Variants in DOCK1 observed in about 807,000 individuals in gnomAD.
DOCK1 encodes dedicator of cytokinesis 1, also known as dedicator of cytokinesis protein 1.
Under a neutral mutation model 262.7 loss-of-function variants are expected in DOCK1, and 138 were observed. That is an observed-to-expected ratio of 0.53 (90% CI 0.46 to 0.61). The LOEUF is 0.61. DOCK1 is among the 20% of genes least tolerant of loss of function. The pLI is 0.00. For synonymous variants in DOCK1, 866 were observed against 867.4 expected, an observed-to-expected ratio of 1.00 and a Z score of 0.03; for missense variants, 1,908 against 2,370.7, an observed-to-expected ratio of 0.80 and a Z score of 4.05.
At chr10:127,422,347 G>C (rs1590990851) in intron 46 of DOCK1, among the ~76,000 whole-genome samples, 1 of 150,946 alleles carries the variant, frequency 6.6e-6, no homozygotes, top group African/African-American at 2.4e-5. Context: ...TTGTATTTTT[G>C]GTAGAGATGG....
chr10:127,147,494 T>G (rs2052000012), intron 27 of DOCK1, among the ~76,000 whole-genome samples: 1 of 152,064 alleles, frequency 6.6e-6, no homozygotes, highest in African/African-American at 2.4e-5. Flanking sequence ...CACCTGTGGC[T>G]CTCACCTTCC....
chr10:127,193,399 C>A (rs1392854521), intron 27 of DOCK1, among the ~76,000 whole-genome samples: 1 of 152,184 alleles, frequency 6.6e-6, no homozygotes, highest in Non-Finnish European at 1.5e-5. Context: ...GCGTTAAAAT[C>A]CGTGGTGAAC....
At chr10:127,024,886 C>T in intron 15 of DOCK1, 103 bp downstream of exon 15, 1 of 979,014 alleles carries the variant, frequency 1.0e-6, no homozygotes, top group Non-Finnish European at 1.5e-6. Context: ...GGAGCTGCTC[C>T]AGGCAGGCAG....
At chr10:127,067,789 A>C (rs1278579511) in intron 23 of DOCK1, among the ~76,000 whole-genome samples, 1 of 152,066 alleles carries the variant, frequency 6.6e-6, no homozygotes, top group Non-Finnish European at 1.5e-5. Context: ...TCTCCTGCTT[A>C]GTTTATTATG....
At chr10:127,305,858 G>A (rs1332728000) in intron 29 of DOCK1, among the ~76,000 whole-genome samples, 1 of 152,170 alleles carries the variant, frequency 6.6e-6, no homozygotes, top group Non-Finnish European at 1.5e-5. Flanking sequence ...TCATGTCATA[G>A]ACCAGCGACC....
intron 22 of DOCK1, among the ~76,000 whole-genome samples, chr10:127,054,583 A>T (rs914575487): frequency 1.3e-5 from 2 of 152,142 alleles, no homozygotes; most frequent in African/African-American, 2.4e-5. Flanking sequence ...TTGTATTTTA[A>T]TTCTATTTCA....
At chr10:127,036,741 A>G (rs2043644749) in intron 18 of DOCK1, among the ~76,000 whole-genome samples, 1 of 152,036 alleles carries the variant, frequency 6.6e-6, no homozygotes, top group South Asian at 2.1e-4. Flanking sequence ...TGGGAGGCTG[A>G]GGCAGGTGGA....
intron 8 of DOCK1, 77 bp downstream of exon 8, chr10:126,998,326 C>T (rs2040354704): frequency 6.3e-7 from 1 of 1,575,972 alleles, no homozygotes; most frequent in Non-Finnish European, 8.7e-7. Context: ...ACTGAAGCGT[C>T]CCATTCATGC....
In DOCK1 at chr10:127,232,269, C is replaced by T. The variant is rs527694196; in HGVS notation, c.2848-15739C>T. Among the ~76,000 whole-genome samples, 51 of 152,082 alleles carry T rather than the reference C, an allele frequency of 3.4e-4. 1 individual carries two copies. Among genetic ancestry groups the T allele is most frequent in the Admixed American group, 9.8e-4 (15 of 15,278 alleles). ...CTCATTTCAGGAGTGGAAGAATCCC[C>T]GGAATGATTTCCTAATATCAAAATG... On this transcript the variant is annotated intron_variant, in intron 27 of 51. Coordinates refer to ENST00000623213, the MANE Select transcript of DOCK1 (RefSeq NM_001290223.2).
At chr10:127,198,229 GA>G (rs2057303929) in intron 27 of DOCK1, among the ~76,000 whole-genome samples, 1 of 152,246 alleles carries the variant, frequency 6.6e-6, no homozygotes, top group Non-Finnish European at 1.5e-5. Context: ...CCAGATAGGA[GA>G]AGTTGCCACT....
At chr10:127,096,941 C>G (rs546265313) in intron 23 of DOCK1, among the ~76,000 whole-genome samples, 21 of 152,022 alleles carry the variant, frequency 1.4e-4, no homozygotes, top group Non-Finnish European at 2.4e-4. Context: ...CCCGTCTCTA[C>G]TAAAAATACA....
rs369910102 is a variant in DOCK1 at position 126,981,815 on chromosome 10, G to A, written c.172-103G>A. ...TGTTAAGACTTAAAAAATTAAGAGC[G>A]ATCTAGCCACCCCTCACCCCACCTT... On this transcript the variant is annotated intron_variant, in intron 3 of 51. Transcript: ENST00000623213. The A allele has an allele frequency of 1.1e-4, 124 of 1,123,296 alleles. No individual in the cohort carries two copies. In the African/African-American group the frequency reaches 1.8e-3, roughly 16 times the overall value. 69.6% of individuals were successfully genotyped at this position (1,123,296 alleles called of 1,614,324 possible). A position where few individuals can be genotyped will look rare whatever the true frequency, so the allele number is the denominator to read the frequency against.
intron 38 of DOCK1, among the ~76,000 whole-genome samples, chr10:127,392,394 T>A (rs1478453460): frequency 6.6e-6 from 1 of 152,064 alleles, no homozygotes; most frequent in African/African-American, 2.4e-5. Flanking sequence ...CACCTCTGGA[T>A]CTCCCTCTGA....
chr10:127,124,181 A>C (rs2133062024), intron 25 of DOCK1, among the ~76,000 whole-genome samples: 1 of 152,342 alleles, frequency 6.6e-6, no homozygotes, highest in Non-Finnish European at 1.5e-5. Context: ...TGCTCTGTGT[A>C]CTTAGAGGAA....
intron 30 of DOCK1, among the ~76,000 whole-genome samples, chr10:127,340,237 A>G (rs1438918147): frequency 6.6e-6 from 1 of 152,166 alleles, no homozygotes; most frequent in Non-Finnish European, 1.5e-5. Context: ...CTTTCTCTTT[A>G]TACAATATAT....
In DOCK1 at chr10:127,451,835, T is replaced by C. The variant is rs1339514485; in HGVS notation, c.*408T>C. 10 of 213,322 alleles carry C rather than the reference T, an allele frequency of 4.7e-5. No individual in the cohort carries two copies. Among genetic ancestry groups the C allele is most frequent in the African/African-American group, 2.3e-4 (10 of 43,094 alleles). 13.2% of individuals were successfully genotyped at this position (213,322 alleles called of 1,614,324 possible). A position where few individuals can be genotyped will look rare whatever the true frequency, so the allele number is the denominator to read the frequency against. ...TAGGAAGCTGTGTAGTGATGATGTA[T>C]AAGAATCCTCCTCACTGTCATGGGA... On this transcript the variant is annotated 3_prime_UTR_variant, in exon 52 of 52. Transcript: ENST00000623213.
intron 33 of DOCK1, among the ~76,000 whole-genome samples, chr10:127,373,395 A>G (rs1454244932): frequency 1.3e-5 from 2 of 152,192 alleles, no homozygotes; most frequent in Non-Finnish European, 2.9e-5. Flanking sequence ...GGGAAACACC[A>G]TCTGTTCATT....
chr10:127,175,369 C>T lies in DOCK1; in HGVS notation c.2847+47605C>T, dbSNP rs772328385. 3 of 1,614,066 alleles carry T rather than the reference C, an allele frequency of 1.9e-6. No homozygotes were observed. In the East Asian group the frequency reaches 6.7e-5, roughly 36 times the overall value. Reference sequence around the variant, plus strand: ...GGCACGATTCGTTGGCATTCTTCACCTGCAGCAACCGCTGTGGGACTAGGC... The same window carrying T: ...GGCACGATTCGTTGGCATTCTTCACTTGCAGCAACCGCTGTGGGACTAGGC... On this transcript the variant is annotated intron_variant, in intron 27 of 51. Coordinates refer to ENST00000623213, the MANE Select transcript of DOCK1 (RefSeq NM_001290223.2). The surrounding 1 kb of genome is among the most constrained non-coding windows in gnomAD (Gnocchi z 6.3).
intron 1 of DOCK1, among the ~76,000 whole-genome samples, chr10:126,945,462 AGAGAGAGAGG>A (rs1386264414): frequency 2.0e-5 from 3 of 151,298 alleles, no homozygotes; most frequent in South Asian, 2.1e-4. Context: ...GGAAAGAGAG[AGAGAGAGAGG>A]GAGAGAGAGA....
Sources: gnomAD v4.1 joint callset for allele counts (sites outside exome capture counted in the v4.1 genomes callset) on GRCh38, gnomAD v4.1.1 for gene constraint, Gnocchi (gnomAD v3.1) non-coding constraint, MANE v1.5 for transcripts, NCBI Gene and HGNC (gene_info 2026-07-23, HGNC 2026-07-21) for gene names.